Variants in CDH4 observed in about 807,000 individuals in gnomAD.
CDH4 encodes the protein cadherin-4.
A neutral mutation model predicts 86.0 loss-of-function variants in CDH4; 33 were observed. That is an observed-to-expected ratio of 0.38 (90% confidence interval 0.29 to 0.51). The LOEUF is 0.51. CDH4 is among the 20% of genes least tolerant of loss of function. The pLI, the probability that CDH4 is intolerant of heterozygous loss-of-function variation, is 0.86. For synonymous variants in CDH4, 555 were observed against 549.4 expected, an observed-to-expected ratio of 1.01 and a Z score of -0.14; for missense variants, 1,114 against 1,307.4, an observed-to-expected ratio of 0.85 and a Z score of 2.28.
intron 2 of CDH4, among the ~76,000 whole-genome samples, chr20:61,329,790 C>G (rs1283110583): frequency 6.6e-6 from 1 of 152,148 alleles, no homozygotes; most frequent in Non-Finnish European, 1.5e-5. Context: ...ATCACCCATC[C>G]CCTAGGTATT....
At chr20:61,876,963 A>G (rs1206958297) in intron 7 of CDH4, among the ~76,000 whole-genome samples, 1 of 152,166 alleles carries the variant, frequency 6.6e-6, no homozygotes, top group Non-Finnish European at 1.5e-5. Flanking sequence ...AAATCTCACA[A>G]GGCCCCGGCA....
chr20:61,832,650 G>A (rs959056814), intron 4 of CDH4, among the ~76,000 whole-genome samples: 14 of 152,120 alleles, frequency 9.2e-5, no homozygotes, highest in East Asian at 1.9e-4. Context: ...ATCAGATCTC[G>A]TGAGACTCAC....
intron 2 of CDH4, among the ~76,000 whole-genome samples, chr20:61,671,115 A>AGGTGGATG (rs1568746216): frequency 7.0e-6 from 1 of 142,604 alleles, no homozygotes; most frequent in Non-Finnish European, 1.5e-5. Flanking sequence ...GATGATGAAT[A>AGGTGGATG]GGTGGATGGG....
intron 4 of CDH4, among the ~76,000 whole-genome samples, chr20:61,818,779 A>G (rs1980866785): frequency 6.6e-6 from 1 of 151,386 alleles, no homozygotes; most frequent in East Asian, 1.9e-4. Flanking sequence ...TGGGGATTCC[A>G]GGATGGTGGG....
chr20:61,508,363 G>A (rs981968993), intron 2 of CDH4, among the ~76,000 whole-genome samples: 1 of 152,194 alleles, frequency 6.6e-6, no homozygotes, highest in Non-Finnish European at 1.5e-5. Context: ...GCCACTTCTC[G>A]TGTCTGTGCA....
intron 2 of CDH4, among the ~76,000 whole-genome samples, chr20:61,490,926 C>A (rs2085622716): frequency 6.6e-6 from 1 of 152,178 alleles, no homozygotes; most frequent in Non-Finnish European, 1.5e-5. Context: ...CTTTAGTCAT[C>A]TGATACAATT....
At chr20:61,496,596 C>T (rs763371) in intron 2 of CDH4, among the ~76,000 whole-genome samples, 1 of 151,968 alleles carries the variant, frequency 6.6e-6, no homozygotes, top group African/African-American at 2.4e-5. Context: ...AATGAAGCAA[C>T]ATTTCCTAGA....
At chr20:61,610,392 T>C (rs149373872) in intron 2 of CDH4, among the ~76,000 whole-genome samples, 3 of 152,388 alleles carry the variant, frequency 2.0e-5, no homozygotes, top group Admixed American at 6.5e-5. Context: ...CTTTATCTAT[T>C]TGTCCATTGA....
intron 2 of CDH4, among the ~76,000 whole-genome samples, chr20:61,384,873 C>T (rs1412536786): frequency 6.6e-6 from 1 of 152,022 alleles, no homozygotes; most frequent in Non-Finnish European, 1.5e-5. Flanking sequence ...AAGTCTGATC[C>T]CTCTCAGTCC....
In CDH4 at chr20:61,884,183, G is replaced by A. The variant is rs1370501175; in HGVS notation, c.1050+10283G>A. ...TTGGGCTTGTGGGGCGCAGTGCAGA[G>A]GCTCTGGGCCACCAGTGAACACGGC... On this transcript the variant is annotated intron_variant, in intron 7 of 15. Coordinates refer to ENST00000614565, the MANE Select transcript of CDH4 (RefSeq NM_001794.5). Among the ~76,000 whole-genome samples, 8 of 152,314 alleles carry A rather than the reference G, an allele frequency of 5.3e-5. No individual in the cohort carries two copies. In the East Asian group the frequency reaches 1.5e-3, roughly 29 times the overall value.
chr20:61,659,622 G>T (rs1381535398), intron 2 of CDH4, among the ~76,000 whole-genome samples: 1 of 146,442 alleles, frequency 6.8e-6, no homozygotes, highest in African/African-American at 2.6e-5. Flanking sequence ...GAGGAGGGTG[G>T]GCCTCAGCCA....
intron 2 of CDH4, among the ~76,000 whole-genome samples, chr20:61,329,848 C>T (rs568981675): frequency 3.9e-5 from 4 of 102,342 alleles, no homozygotes; most frequent in Non-Finnish European, 8.5e-5. Context: ...CCCTCCCCCC[C>T]ACCCCATCCC....
intron 5 of CDH4, 115 bp downstream of exon 5, chr20:61,844,938 T>C (rs1600706132): frequency 9.1e-7 from 1 of 1,093,242 alleles, no homozygotes; most frequent in Non-Finnish European, 1.3e-6. Flanking sequence ...CAGGCAGCAC[T>C]CCAACTTTGG....
At chr20:61,564,018 G>A (rs1171508436) in intron 2 of CDH4, among the ~76,000 whole-genome samples, 1 of 152,042 alleles carries the variant, frequency 6.6e-6, no homozygotes, top group East Asian at 1.9e-4. Flanking sequence ...TCACTTCTCT[G>A]TCCGTCCCTC....
intron 2 of CDH4, among the ~76,000 whole-genome samples, chr20:61,410,056 T>A (rs11697380): frequency 0.22 from 32,868 of 152,224 alleles, 4,590 homozygotes; most frequent in East Asian, 0.54. Context: ...AACCAACCAG[T>A]CTGAATCCTG....
intron 2 of CDH4, among the ~76,000 whole-genome samples, chr20:61,338,236 A>G (rs1057214516): frequency 2.6e-5 from 4 of 152,204 alleles, no homozygotes; most frequent in Non-Finnish European, 4.4e-5. Context: ...AAAACACTTA[A>G]AAAGCACAAG....
At chr20:61,303,074 T>A (rs183013009) in intron 2 of CDH4, among the ~76,000 whole-genome samples, 3 of 152,302 alleles carry the variant, frequency 2.0e-5, no homozygotes, top group Admixed American at 1.3e-4. Context: ...CCTCCAGACC[T>A]GCAAGATATA....
rs112601784 is a variant in CDH4 at position 61,925,137 on chromosome 20, C to T, written c.1771+661C>T. ...CAGCAGACGACCTCAGGAGCCTGGACGGGAGGGCGAGGATGGGCTGGGCAG... is the reference window on the plus strand; with the variant it reads ...CAGCAGACGACCTCAGGAGCCTGGATGGGAGGGCGAGGATGGGCTGGGCAG... On this transcript the variant is annotated intron_variant, in intron 11 of 15. Coordinates refer to ENST00000614565, the MANE Select transcript of CDH4 (RefSeq NM_001794.5). 2.3e-3 allele frequency among the ~76,000 whole-genome samples: 343 copies of T among 152,236 alleles called. 2 individuals are homozygous for T. The highest frequency in any genetic ancestry group is 7.8e-3 in the African/African-American group (322 of 41,532).
At chr20:61,352,634 G>T (rs1202943334) in intron 2 of CDH4, among the ~76,000 whole-genome samples, 1 of 152,216 alleles carries the variant, frequency 6.6e-6, no homozygotes, top group Non-Finnish European at 1.5e-5. Context: ...TTCTGCTGGG[G>T]TAGGCCGTTT....
Sources: gnomAD v4.1 joint callset for allele counts (sites outside exome capture counted in the v4.1 genomes callset) on GRCh38, gnomAD v4.1.1 for gene constraint, MANE v1.5 for transcripts, NCBI Gene and HGNC (gene_info 2026-07-23, HGNC 2026-07-21) for gene names.